Variants in MAP3K14 observed in about 807,000 individuals in gnomAD.
The protein encoded by MAP3K14 is NF-kappa-beta-inducing kinase.
In MAP3K14, 16 loss-of-function variants were observed where a neutral mutation model predicts 99.2. That is an observed-to-expected ratio of 0.16 (90% CI 0.11 to 0.24). The LOEUF (loss-of-function observed/expected upper bound fraction) is 0.24, where lower values mean the gene tolerates loss of function less well. Ranked by LOEUF, MAP3K14 falls within the 10% of genes least tolerant of loss-of-function variation. MAP3K14 has a pLI of 1.00. For synonymous variants in MAP3K14, 462 were observed against 492.4 expected (o/e 0.94, Z 0.82); for missense variants, 784 against 1,208.7 (o/e 0.65, Z 5.21).
Position 45,263,727 on chromosome 17 carries a change from G to A in MAP3K14, c.*909C>T, listed in dbSNP as rs916869001. The A allele has an allele frequency of 1.3e-5, 2 of 152,662 alleles. No homozygotes were observed. The highest frequency in any genetic ancestry group is 4.8e-5 in the African/African-American group (2 of 41,446). The allele number at this position is 152,662 out of a possible 1,614,324, so 9.5% of individuals were successfully genotyped here. On this transcript the variant is annotated 3_prime_UTR_variant, in exon 16 of 16. Coordinates refer to ENST00000344686, the MANE Select transcript of MAP3K14 (RefSeq NM_003954.5). ...CCAGCACGCTGGACACTGATAGTGG[G>A]GCTGGGGCGCCGGAGCGTCTCTCTC...
At position 45,281,698 on chromosome 17, in the gene MAP3K14, G is replaced by A. The variant is rs1228341849; in HGVS notation, c.1290+3114C>T. ...CTTGCTCTGTCACCCAGGCTGGAGT[G>A]CTGTGGCGTGATCTTGGCTCACTGC... On this transcript the variant is annotated intron_variant, in intron 6 of 15. Coordinates refer to ENST00000344686, the MANE Select transcript of MAP3K14 (RefSeq NM_003954.5). 5 of 139,702 alleles carry A rather than the reference G, an allele frequency of 3.6e-5. No homozygotes were observed. The Admixed American group carries it at 3.9e-4, about 11-fold the overall frequency. The allele number at this position is 139,702 out of a possible 1,614,324, so 8.7% of individuals were successfully genotyped here.
intron 11 of MAP3K14, among the ~76,000 whole-genome samples, chr17:45,269,890 G>T (rs1212542778): frequency 6.6e-6 from 1 of 152,234 alleles, no homozygotes; most frequent in African/African-American, 2.4e-5. Flanking sequence ...TCAATCCCAA[G>T]GAGGGGGTCA....
Position 45,287,224 on chromosome 17 carries a change from T to C in MAP3K14, c.467A>G (p.His156Arg). ...GGGTTTGGCCAAGGCCACTCCTGCA[T>C]GAGCCAGGGACTTTGAGCTCTTCTT... Reference protein sequence around the residue: ...RKKKSSKSLAHAGVALAKPLP... With the variant: ...RKKKSSKSLARAGVALAKPLP... Residue 156 changes from histidine to arginine, a missense_variant, in exon 4 of 16, where the codon CAT becomes CGT. His to Arg is a conservative substitution (Grantham distance 29, BLOSUM62 0). Around this residue, in one of 5 missense-constraint regions of MAP3K14, gnomAD observed 188 missense variants for 313.0 expected, o/e 0.60. Coordinates refer to ENST00000344686, the MANE Select transcript of MAP3K14 (RefSeq NM_003954.5). The C allele has an allele frequency of 1.2e-6, 2 of 1,614,036 alleles. No homozygotes were observed. Among genetic ancestry groups the C allele is most frequent in the East Asian group, 2.2e-5 (1 of 44,876 alleles).
Position 45,286,492 on chromosome 17 carries a change from C to A in MAP3K14, c.1091G>T (p.Gly364Val), listed in dbSNP as rs746805111. 4 of 1,603,986 alleles carry A rather than the reference C, an allele frequency of 2.5e-6. No homozygotes were observed. Among genetic ancestry groups the A allele is most frequent in the Middle Eastern group, 1.6e-4 (1 of 6,066 alleles). Residue 364 changes from glycine to valine, a missense_variant, in exon 5 of 16, where the codon GGC (glycine) becomes GTC (valine). Gly to Val is a moderately radical substitution (Grantham distance 109). Transcript: ENST00000344686. This position sits in a 1 kb window ranked among gnomAD's most constrained non-coding sequence, Gnocchi z 4.1. The stretch of plus-strand genomic sequence containing the variant: ...GGGGCTGGGCTCCCGGGATCTGGAG[C>A]CCCTTGCTGCCCAGGTCTTGGCCAG... ...TSLAKTWAAR[G>V]SRSREPSPKT...
Position 45,287,079 on chromosome 17 carries a change from G to GCCAGGGC in MAP3K14, c.538-41_538-35dup, listed in dbSNP as rs761351067. ...GGAAACACAGCTATCAGCACAGAGG[G>GCCAGGGC]CCAGGGCCCAGGGACAGGCTCCAAT... On this transcript the variant is annotated intron_variant, in intron 4 of 15. Transcript: ENST00000344686. 7.0e-5 allele frequency: 113 copies of GCCAGGGC among 1,604,952 alleles called. 1 individual carries two copies. In the South Asian group the frequency reaches 1.1e-3, roughly 16 times the overall value.
In MAP3K14 at chr17:45,267,723, T is replaced by C; in HGVS notation, c.2009A>G (p.Lys670Arg). 1.2e-6 allele frequency: 2 copies of C among 1,613,164 alleles called. No homozygotes were observed. The highest frequency in any genetic ancestry group is 1.3e-5 in the African/African-American group (1 of 75,012). The change falls in exon 12 of 16, where the codon AAA becomes AGA. Residue 670 changes from lysine (K) to arginine (R), a missense_variant. Physicochemically the swap from Lys to Arg is conservative, Grantham distance 26. Around this residue, in one of 5 missense-constraint regions of MAP3K14, gnomAD observed 128 missense variants for 143.3 expected, o/e 0.89. Coordinates refer to ENST00000344686, the MANE Select transcript of MAP3K14 (RefSeq NM_003954.5). The surrounding 1 kb of genome is among the most constrained non-coding windows in gnomAD (Gnocchi z 5.1). ...GLKSPWRGEY[K>R]EPRHPPPNQA... Reference sequence around the variant, plus strand: ...ATTTGGCGGTGGATGTCTTGGTTCTTTATATTCTCCCCTCCAAGGGCTCTT... The same window carrying C: ...ATTTGGCGGTGGATGTCTTGGTTCTCTATATTCTCCCCTCCAAGGGCTCTT...
In MAP3K14 at chr17:45,289,324, G is replaced by C. The variant is rs372408568; in HGVS notation, c.257-19C>G. Reference sequence around the variant, plus strand: ...TTCTCACCTAAAGCAAAAGGAGTTGGATTAGCAGAGAGGAGAAAAAATAGG... The same window carrying C: ...TTCTCACCTAAAGCAAAAGGAGTTGCATTAGCAGAGAGGAGAAAAAATAGG... On this transcript the variant is annotated intron_variant, in intron 2 of 15. Coordinates refer to ENST00000344686, the MANE Select transcript of MAP3K14 (RefSeq NM_003954.5). 2.1e-4 allele frequency: 343 copies of C among 1,605,384 alleles called. No homozygotes were observed. Among genetic ancestry groups the C allele is most frequent in the Non-Finnish European group, 2.6e-4 (305 of 1,172,198 alleles).
chr17:45,296,141 G>C (rs1038299365), intron 1 of MAP3K14, among the ~76,000 whole-genome samples: 1 of 152,154 alleles, frequency 6.6e-6, no homozygotes, highest in African/African-American at 2.4e-5. Flanking sequence ...TAAGATATTG[G>C]TTGAAAACCA....
rs777461370 is a variant in MAP3K14 at position 45,286,975 on chromosome 17, G to C, written c.608C>G (p.Pro203Arg). The change falls in exon 5 of 16, where the codon CCA (proline) becomes CGA (arginine). Residue 203 changes from proline to arginine, a missense_variant. Transcript: ENST00000344686. This position sits in a 1 kb window ranked among gnomAD's most constrained non-coding sequence, Gnocchi z 4.1. ...TPQFTKPLKE[P>R]GLGQLCFKQL... The stretch of plus-strand genomic sequence containing the variant: ...CTTAAAACAGAGTTGCCCAAGGCCT[G>C]GTTCCTTCAGAGGCTTGGTGAACTG... 1 of 1,614,032 alleles carries C rather than the reference G, an allele frequency of 6.2e-7. No homozygotes were observed. The highest frequency in any genetic ancestry group is 8.5e-7 in the Non-Finnish European group (1 of 1,179,900).
At chr17:45,276,702 AG>A (rs541216648) in intron 6 of MAP3K14, among the ~76,000 whole-genome samples, 1 of 151,662 alleles carries the variant, frequency 6.6e-6, no homozygotes, top group African/African-American at 2.4e-5. Flanking sequence ...TAGTAGAGGC[AG>A]GGTTTCACCA....
At chr17:45,269,088 C>T (rs1047459736) in intron 11 of MAP3K14, among the ~76,000 whole-genome samples, 1 of 152,164 alleles carries the variant, frequency 6.6e-6, no homozygotes, top group Admixed American at 6.5e-5. Context: ...GCAATCATGG[C>T]TCACTGCAGC....
rs937992911 is a variant in MAP3K14 at position 45,267,818 on chromosome 17, G to A, written c.1973-59C>T. On this transcript the variant is annotated intron_variant, in intron 11 of 15. Coordinates refer to ENST00000344686, the MANE Select transcript of MAP3K14 (RefSeq NM_003954.5). The surrounding 1 kb of genome is among the most constrained non-coding windows in gnomAD (Gnocchi z 5.1). ...CGTGCTGTGCACAGACAGCGGTCCAGGCAGGAGCGGCCTCTCCTGAGTGCA... is the reference window on the plus strand; with the variant it reads ...CGTGCTGTGCACAGACAGCGGTCCAAGCAGGAGCGGCCTCTCCTGAGTGCA... 1 of 1,451,832 alleles carries A rather than the reference G, an allele frequency of 6.9e-7. No homozygotes were observed. Among genetic ancestry groups the A allele is most frequent in the Non-Finnish European group, 9.4e-7 (1 of 1,060,324 alleles). The allele number at this position is 1,451,832 out of a possible 1,614,324, so 89.9% of individuals were successfully genotyped here. A position where few individuals can be genotyped will look rare whatever the true frequency, so the allele number is the denominator to read the frequency against.
intron 3 of MAP3K14, among the ~76,000 whole-genome samples, chr17:45,288,463 C>T (rs1352546471): frequency 1.3e-5 from 2 of 148,606 alleles, no homozygotes; most frequent in Non-Finnish European, 3.0e-5. Flanking sequence ...CTGCAACCTT[C>T]GACTCCTGGA....
Position 45,306,326 on chromosome 17 carries a change from T to C in MAP3K14, c.-21+10634A>G, listed in dbSNP as rs959086374. On this transcript the variant is annotated intron_variant, in intron 1 of 15. Transcript: ENST00000344686. ...ACACTCTTCCTACTCCCAAATGATC[T>C]AAGCTTTAAAAATTGGGACCGAGAT... 1.0e-4 allele frequency among the ~76,000 whole-genome samples: 15 copies of C among 146,204 alleles called. 1 individual carries two copies. Among genetic ancestry groups the C allele is most frequent in the Admixed American group, 2.7e-4 (4 of 15,072 alleles).
At chr17:45,315,568 A>C (rs2044524030) in intron 1 of MAP3K14, among the ~76,000 whole-genome samples, 1 of 152,236 alleles carries the variant, frequency 6.6e-6, no homozygotes, top group Non-Finnish European at 1.5e-5. Context: ...CACCAAGAGT[A>C]AATCCAAACA....
At chr17:45,270,264 C>G (rs2044132023) in intron 11 of MAP3K14, 149 bp downstream of exon 11, 2 of 1,042,010 alleles carry the variant, frequency 1.9e-6, no homozygotes, top group Non-Finnish European at 2.6e-6. Flanking sequence ...CGCAATCTCC[C>G]AACAACCCTG....
chr17:45,286,307 C>T lies in MAP3K14; in HGVS notation c.1152+124G>A. On this transcript the variant is annotated intron_variant, in intron 5 of 15. Coordinates refer to ENST00000344686, the MANE Select transcript of MAP3K14 (RefSeq NM_003954.5). This position sits in a 1 kb window ranked among gnomAD's most constrained non-coding sequence, Gnocchi z 4.1. ...GGAATAAGAGATGATACTTTTCATC[C>T]ACAATGAGCACTGTCCTACTGTTTG... 6.8e-6 allele frequency: 8 copies of T among 1,184,082 alleles called. No homozygotes were observed. Among genetic ancestry groups the T allele is most frequent in the Non-Finnish European group, 9.3e-6 (8 of 860,364 alleles). The allele number at this position is 1,184,082 out of a possible 1,614,324, so 73.3% of individuals were successfully genotyped here.
intron 10 of MAP3K14, chr17:45,270,795 G>A (rs2044137032): frequency 9.3e-6 from 7 of 751,908 alleles, no homozygotes; most frequent in East Asian, 2.7e-5. Context: ...CTCCAGGCCC[G>A]GCCCGTTAGG....
chr17:45,286,785 G>A lies in MAP3K14; in HGVS notation c.798C>T (p.Pro266=). The A allele has an allele frequency of 6.2e-7, 1 of 1,613,124 alleles. No homozygotes were observed. Among genetic ancestry groups the A allele is most frequent in the Non-Finnish European group, 8.5e-7 (1 of 1,179,512 alleles). Residue 266 remains proline (P), a synonymous_variant, in exon 5 of 16, where the codon CCC becomes CCT. Coordinates refer to ENST00000344686, the MANE Select transcript of MAP3K14 (RefSeq NM_003954.5). The surrounding 1 kb of genome is among the most constrained non-coding windows in gnomAD (Gnocchi z 4.1). ...HPFPYSRLPH[P]FPFHPLQPWK... ...AGGGCTGGAGAGGGTGGAATGGGAA[G>A]GGATGAGGCAGTCTGCTATAGGGGA...
Sources: allele counts gnomAD v4.1 joint callset (sites outside exome capture counted in the v4.1 genomes callset), GRCh38; gene constraint gnomAD v4.1.1; regional missense constraint gnomAD v4.1.1; non-coding constraint Gnocchi (gnomAD v3.1); transcripts MANE v1.5; gene names NCBI Gene and HGNC (gene_info 2026-07-23, HGNC 2026-07-21).